Variants in FIGN observed in about 807,000 individuals in gnomAD.
FIGN encodes the protein fidgetin, microtubule severing factor.
FIGN carries 11 observed loss-of-function variants against 51.3 expected under a neutral mutation model. The observed-to-expected ratio is 0.21, with a 90% CI of 0.13 to 0.35. FIGN has a LOEUF of 0.35. FIGN is among the 10% of genes least tolerant of loss of function. The pLI is 1.00. For missense variants in FIGN, 857 were observed against 943.6 expected, an observed-to-expected ratio of 0.91 and a Z score of 1.20; for synonymous variants, 407 against 363.2, an observed-to-expected ratio of 1.12 and a Z score of -1.37.
In FIGN at chr2:163,604,986, T is replaced by C. The variant is rs1691060043; in HGVS notation, c.*4566A>G. On this transcript the variant is annotated 3_prime_UTR_variant, in exon 3 of 3. Coordinates refer to ENST00000333129, the MANE Select transcript of FIGN (RefSeq NM_018086.4). ...ATAAGACAACAAGAAGGAATGAATG[T>C]GCTCCCAACCTTGGTGTACTACAGA... The C allele has an allele frequency of 8.5e-6, 1 of 118,058 alleles. No individual in the cohort carries two copies. Among genetic ancestry groups the C allele is most frequent in the East Asian group, 3.0e-4 (1 of 3,344 alleles). The allele number at this position is 118,058 out of a possible 1,614,324, so 7.3% of individuals were successfully genotyped here. A position where few individuals can be genotyped will look rare whatever the true frequency, so the allele number is the denominator to read the frequency against.
intron 2 of FIGN, among the ~76,000 whole-genome samples, chr2:163,712,690 T>C (rs960232988): frequency 1.3e-5 from 2 of 152,236 alleles, no homozygotes; most frequent in African/African-American, 2.4e-5. Flanking sequence ...TTTTTCCATT[T>C]AATAAAGGCA....
chr2:163,709,016 C>T (rs1392737159), intron 2 of FIGN, among the ~76,000 whole-genome samples: 1 of 152,110 alleles, frequency 6.6e-6, no homozygotes, highest in Non-Finnish European at 1.5e-5. Context: ...GTCTAAGGTA[C>T]CGTAAATACG....
At chr2:163,712,777 C>T (rs1221274918) in intron 2 of FIGN, among the ~76,000 whole-genome samples, 1 of 152,016 alleles carries the variant, frequency 6.6e-6, no homozygotes, top group Non-Finnish European at 1.5e-5. Context: ...CACATTATAG[C>T]AATTTTTATT....
chr2:163,672,930 C>G (rs1683900572), intron 2 of FIGN, among the ~76,000 whole-genome samples: 1 of 151,968 alleles, frequency 6.6e-6, no homozygotes, highest in East Asian at 1.9e-4. Context: ...TGTAACTTTC[C>G]AAAGAGGAAA....
intron 2 of FIGN, among the ~76,000 whole-genome samples, chr2:163,693,665 A>G (rs144779490): frequency 6.6e-6 from 1 of 152,290 alleles, no homozygotes; most frequent in Non-Finnish European, 1.5e-5. Context: ...CATTTGGGTT[A>G]GAAAAGAGAA....
At chr2:163,629,927 C>T (rs1237525371) in intron 2 of FIGN, among the ~76,000 whole-genome samples, 1 of 146,936 alleles carries the variant, frequency 6.8e-6, no homozygotes, top group Non-Finnish European at 1.5e-5. Context: ...ATGTTTCAGA[C>T]CAACATAGGG....
At chr2:163,645,722 T>C (rs1683372214) in intron 2 of FIGN, among the ~76,000 whole-genome samples, 2 of 152,174 alleles carry the variant, frequency 1.3e-5, no homozygotes, top group South Asian at 4.1e-4. Flanking sequence ...CTACTCTAGC[T>C]AGCCTCGCTC....
At chr2:163,710,111 T>C (rs1573965417) in intron 2 of FIGN, among the ~76,000 whole-genome samples, 1 of 152,180 alleles carries the variant, frequency 6.6e-6, no homozygotes, top group South Asian at 2.1e-4. Context: ...AAATTCTGTG[T>C]CAAAGTAGTG....
At chr2:163,701,945 C>T (rs1684414031) in intron 2 of FIGN, among the ~76,000 whole-genome samples, 1 of 152,062 alleles carries the variant, frequency 6.6e-6, no homozygotes, top group South Asian at 2.1e-4. Context: ...CTGAGTCATC[C>T]AGATTTTGCA....
intron 2 of FIGN, among the ~76,000 whole-genome samples, chr2:163,618,300 C>T (rs1258018548): frequency 2.6e-5 from 4 of 152,064 alleles, no homozygotes; most frequent in East Asian, 1.9e-4. Context: ...TATAACAATA[C>T]TGTCAAATAC....
intron 2 of FIGN, among the ~76,000 whole-genome samples, chr2:163,698,356 T>C (rs1684355718): frequency 6.6e-6 from 1 of 152,122 alleles, no homozygotes; most frequent in African/African-American, 2.4e-5. Context: ...AGATGGCCTG[T>C]GGTCATTACC....
intron 2 of FIGN, among the ~76,000 whole-genome samples, chr2:163,694,933 G>T (rs147527174): frequency 1.2e-3 from 176 of 152,198 alleles, no homozygotes; most frequent in African/African-American, 4.1e-3. Flanking sequence ...GACGACAGGT[G>T]TTCATCACCA....
intron 2 of FIGN, among the ~76,000 whole-genome samples, chr2:163,725,780 T>C (rs1684829586): frequency 6.6e-6 from 1 of 152,114 alleles, no homozygotes; most frequent in South Asian, 2.1e-4. Flanking sequence ...TAGAGGCTTA[T>C]TAAAGAACAA....
intron 2 of FIGN, among the ~76,000 whole-genome samples, chr2:163,729,087 T>C (rs1383134691): frequency 6.6e-6 from 1 of 152,174 alleles, no homozygotes; most frequent in Admixed American, 6.5e-5. Context: ...AGTTTACCCA[T>C]TCTCAGATGA....
intron 2 of FIGN, among the ~76,000 whole-genome samples, chr2:163,722,957 C>T (rs942654155): frequency 5.9e-5 from 9 of 151,606 alleles, no homozygotes; most frequent in African/African-American, 1.9e-4. Flanking sequence ...GAGGCAGAGG[C>T]GGGCGGATCA....
intron 2 of FIGN, among the ~76,000 whole-genome samples, chr2:163,636,547 A>C (rs569352159): frequency 2.6e-5 from 4 of 152,242 alleles, no homozygotes; most frequent in Non-Finnish European, 4.4e-5. Flanking sequence ...AGCCTCCCAA[A>C]GTGCTGGGAT....
intron 2 of FIGN, among the ~76,000 whole-genome samples, chr2:163,700,062 G>A (rs925692992): frequency 6.6e-6 from 1 of 152,052 alleles, no homozygotes; most frequent in African/African-American, 2.4e-5. Context: ...GGAGAAGGAA[G>A]GAGAAGAAGA....
intron 2 of FIGN, among the ~76,000 whole-genome samples, chr2:163,616,299 A>G (rs1298108844): frequency 6.6e-6 from 1 of 152,220 alleles, no homozygotes; most frequent in East Asian, 1.9e-4. Context: ...AATGAAGGGT[A>G]TAAAAGCAAC....
intron 2 of FIGN, among the ~76,000 whole-genome samples, chr2:163,624,753 A>G (rs999778960): frequency 4.7e-5 from 7 of 150,408 alleles, no homozygotes; most frequent in African/African-American, 1.7e-4. Flanking sequence ...AATGAAGTCT[A>G]ATCAGACTCA....
Sources: allele counts gnomAD v4.1 joint callset (sites outside exome capture counted in the v4.1 genomes callset), GRCh38; gene constraint gnomAD v4.1.1; transcripts MANE v1.5; gene names NCBI Gene and HGNC (gene_info 2026-07-23, HGNC 2026-07-21).